The following KSR2 variants were observed in gnomAD, a reference collection of about 807,000 sequenced individuals.
KSR2 encodes the protein kinase suppressor of ras 2.
Under a neutral mutation model 107.8 loss-of-function variants are expected in KSR2, and 25 were observed. The observed-to-expected ratio is 0.23, with a 90% CI of 0.17 to 0.32. KSR2 has a LOEUF of 0.32. KSR2 is among the 10% of genes least tolerant of loss of function. The pLI is 1.00. For synonymous variants in KSR2, 480 were observed against 507.0 expected (o/e 0.95, Z 0.71); for missense variants, 887 against 1,268.9 (o/e 0.70, Z 4.57).
intron 10 of KSR2, 75 bp from the exon 11 acceptor site, chr12:117,531,782 C>T (rs1398682908): frequency 2.8e-6 from 3 of 1,074,126 alleles, no homozygotes; most frequent in Middle Eastern, 2.0e-4. Flanking sequence ...TGAGCTCTTA[C>T]AGCCACCACA....
intron 1 of KSR2, among the ~76,000 whole-genome samples, chr12:117,883,033 A>C (rs1002582625): frequency 1.3e-5 from 2 of 152,022 alleles, no homozygotes; most frequent in Non-Finnish European, 2.9e-5. Flanking sequence ...CCAACCACTC[A>C]TCCATCCATC....
At chr12:117,687,049 G>GAA (rs1885602321) in intron 4 of KSR2, among the ~76,000 whole-genome samples, 1 of 152,102 alleles carries the variant, frequency 6.6e-6, no homozygotes, top group African/African-American at 2.4e-5. Context: ...AAAATGAGGG[G>GAA]CTTAGAGCAA....
chr12:117,574,892 G>GA (rs35204005), intron 7 of KSR2, among the ~76,000 whole-genome samples: 7,327 of 115,278 alleles, frequency 0.064, 267 homozygotes, highest in South Asian at 0.19. Flanking sequence ...TGCTCTGGGT[G>GA]AAAAAAAAAA....
At chr12:117,686,498 C>A (rs548237439) in intron 4 of KSR2, among the ~76,000 whole-genome samples, 1 of 152,082 alleles carries the variant, frequency 6.6e-6, no homozygotes, top group East Asian at 1.9e-4. Context: ...TTCTGTCTGA[C>A]CCCAAAGGTC....
chr12:117,573,524 CTTTT>C (rs35130903), intron 7 of KSR2, among the ~76,000 whole-genome samples: 1 of 108,338 alleles, frequency 9.2e-6, no homozygotes. Context: ...CACATGTTAT[CTTTT>C]TTTTTTTTTT....
chr12:117,924,106 G>A lies in KSR2; in HGVS notation c.180+43970C>T, dbSNP rs867523653. 3.3e-5 allele frequency among the ~76,000 whole-genome samples: 5 copies of A among 151,312 alleles called. No individual in the cohort carries two copies. In the East Asian group the frequency reaches 6.0e-4, roughly 18 times the overall value. On this transcript the variant is annotated intron_variant, in intron 1 of 19. Transcript: ENST00000339824. ...TTGGTCAGGCTGGTCTCGAACTCCC[G>A]ACCACAGGTGATCCTCCCACCTCGG... is the stretch of plus-strand genomic sequence containing the variant.
intron 19 of KSR2, among the ~76,000 whole-genome samples, chr12:117,467,445 C>G (rs1871204679): frequency 6.6e-6 from 1 of 152,216 alleles, no homozygotes; most frequent in South Asian, 2.1e-4. Flanking sequence ...CTAATATTTT[C>G]AAAGATGAAA....
chr12:117,832,197 T>C (rs1251474340), intron 3 of KSR2, among the ~76,000 whole-genome samples: 1 of 152,112 alleles, frequency 6.6e-6, no homozygotes. Context: ...GGCAGGAGAA[T>C]CACTTGAATC....
At chr12:117,700,989 G>C (rs1346876705) in intron 4 of KSR2, among the ~76,000 whole-genome samples, 1 of 152,212 alleles carries the variant, frequency 6.6e-6, no homozygotes. Context: ...TCTCTTGCTA[G>C]ATGACTGGGG....
At chr12:117,560,820 G>T (rs1354560781) in intron 7 of KSR2, among the ~76,000 whole-genome samples, 4 of 152,134 alleles carry the variant, frequency 2.6e-5, no homozygotes, top group Non-Finnish European at 1.5e-5. Context: ...GTTTAAAGGA[G>T]CCTGGCATCT....
intron 5 of KSR2, among the ~76,000 whole-genome samples, chr12:117,640,310 G>A (rs1241504788): frequency 6.6e-6 from 1 of 152,000 alleles, no homozygotes. Context: ...GAGTGCAGTG[G>A]CGCGATCTCA....
At chr12:117,546,936 T>A (rs767095560) in intron 9 of KSR2, among the ~76,000 whole-genome samples, 7 of 152,246 alleles carry the variant, frequency 4.6e-5, no homozygotes, top group Admixed American at 4.6e-4. Context: ...ATTTTTATAA[T>A]GAATGCTTTA....
chr12:117,510,028 C>T (rs1056803885), intron 14 of KSR2, among the ~76,000 whole-genome samples: 5 of 152,168 alleles, frequency 3.3e-5, no homozygotes, highest in Non-Finnish European at 4.4e-5. Flanking sequence ...ACTACAGAGG[C>T]GCTGACTGTG....
At chr12:117,499,190 A>G (rs1050111533) in intron 14 of KSR2, among the ~76,000 whole-genome samples, 2 of 152,246 alleles carry the variant, frequency 1.3e-5, no homozygotes, top group Non-Finnish European at 2.9e-5. Context: ...TCAACTCAAC[A>G]GTAGCCTGAA....
At chr12:117,467,797 G>T in intron 19 of KSR2, 1 of 436,546 alleles carries the variant, frequency 2.3e-6, no homozygotes, top group Non-Finnish European at 4.5e-6. Flanking sequence ...ACAGTGTCTA[G>T]CACATAAAAG....
chr12:117,630,801 G>A (rs1882766960), intron 5 of KSR2, among the ~76,000 whole-genome samples: 1 of 152,248 alleles, frequency 6.6e-6, no homozygotes, highest in Non-Finnish European at 1.5e-5. Flanking sequence ...CCAATGAGTG[G>A]TACCAATGAG....
At chr12:117,801,280 C>T (rs1209210922) in intron 3 of KSR2, among the ~76,000 whole-genome samples, 1 of 141,264 alleles carries the variant, frequency 7.1e-6, no homozygotes, top group African/African-American at 2.9e-5. Context: ...CCATGCCCGG[C>T]TAATTTTTTT....
chr12:117,467,315 T>C, intron 19 of KSR2, 110 bp from the exon 20 acceptor site: 1 of 552,746 alleles, frequency 1.8e-6, no homozygotes, highest in African/African-American at 2.0e-5. Context: ...AGATGAACTG[T>C]TCCTGTCTTC....
intron 9 of KSR2, among the ~76,000 whole-genome samples, chr12:117,547,579 A>G (rs1876968865): frequency 6.6e-6 from 1 of 152,016 alleles, no homozygotes; most frequent in Non-Finnish European, 1.5e-5. Flanking sequence ...TAGACTCCCT[A>G]CTTGATCTTT....
Sources: gnomAD v4.1 joint callset for allele counts (sites outside exome capture counted in the v4.1 genomes callset) on GRCh38, gnomAD v4.1.1 for gene constraint, MANE v1.5 for transcripts, NCBI Gene and HGNC (gene_info 2026-07-23, HGNC 2026-07-21) for gene names.